IMMP2L: variants seen among roughly 807,000 people sequenced by gnomAD.
IMMP2L encodes inner mitochondrial membrane peptidase subunit 2.
Under a neutral mutation model 19.3 loss-of-function variants are expected in IMMP2L, and 18 were observed. The observed-to-expected ratio is 0.93, with a 90% CI of 0.64 to 1.38. The LOEUF (loss-of-function observed/expected upper bound fraction) is 1.38. Among genes scored for constraint, IMMP2L ranks in the 40% most tolerant of loss-of-function variants. The probability of loss-of-function intolerance (pLI) is 0.00; values close to 1 mark genes in which losing one functional copy is unlikely to be tolerated. For missense variants in IMMP2L, 233 were observed against 218.2 expected (o/e 1.07, Z -0.43); for synonymous variants, 76 against 73.0 (o/e 1.04, Z -0.21).
chr7:110,880,412 C>T (rs561707962), intron 5 of IMMP2L, among the ~76,000 whole-genome samples: 7 of 152,100 alleles, frequency 4.6e-5, no homozygotes, highest in South Asian at 4.2e-4. Context: ...GTCAAAAGAA[C>T]GTTATTTACG....
chr7:111,319,067 G>A (rs138763157), intron 3 of IMMP2L, among the ~76,000 whole-genome samples: 2 of 152,168 alleles, frequency 1.3e-5, no homozygotes, highest in East Asian at 1.9e-4. Context: ...ATCACCATGT[G>A]GCTTAATGTA....
chr7:110,761,107 G>T (rs950735843), intron 5 of IMMP2L, among the ~76,000 whole-genome samples: 2 of 152,102 alleles, frequency 1.3e-5, no homozygotes, highest in African/African-American at 4.8e-5. Flanking sequence ...CCACCTTTCA[G>T]CCAGTCAAAC....
chr7:111,185,369 T>C (rs962812340), intron 3 of IMMP2L, among the ~76,000 whole-genome samples: 3 of 152,190 alleles, frequency 2.0e-5, no homozygotes, highest in Non-Finnish European at 2.9e-5. Context: ...CCGTAACTCA[T>C]AGGCCTTTTC....
intron 3 of IMMP2L, among the ~76,000 whole-genome samples, chr7:111,075,618 T>C (rs1168702681): frequency 6.6e-6 from 1 of 152,170 alleles, no homozygotes; most frequent in African/African-American, 2.4e-5. Flanking sequence ...TGGCTTTCTT[T>C]TTGCTGGTTG....
chr7:110,984,766 A>T (rs749236281), intron 3 of IMMP2L, among the ~76,000 whole-genome samples: 4 of 152,088 alleles, frequency 2.6e-5, no homozygotes, highest in Admixed American at 6.6e-5. Context: ...TTCAAGTATG[A>T]TCGTGCATCT....
Position 111,180,389 on chromosome 7 carries a change from G to A in IMMP2L, c.240-216824C>T, listed in dbSNP as rs193160720. On this transcript the variant is annotated intron_variant, in intron 3 of 5. Coordinates refer to ENST00000405709, the MANE Select transcript of IMMP2L (RefSeq NM_032549.4). Reference sequence around the variant, plus strand: ...GGCCTGAGGAGAGGAAAAGAGATCCGGAACCTGCCAGTCAGTGGAGTAGTC... The same window carrying A: ...GGCCTGAGGAGAGGAAAAGAGATCCAGAACCTGCCAGTCAGTGGAGTAGTC... Among the ~76,000 whole-genome samples the A allele has an allele frequency of 6.6e-4, 101 of 152,040 alleles. No individual in the cohort carries two copies. The South Asian group carries it at 6.9e-3, about 10-fold the overall frequency.
At chr7:110,891,371 C>A (rs543087046) in intron 4 of IMMP2L, among the ~76,000 whole-genome samples, 1 of 152,178 alleles carries the variant, frequency 6.6e-6, no homozygotes, top group Non-Finnish European at 1.5e-5. Context: ...AACTAAGGTT[C>A]GAATTCACAC....
chr7:111,365,723 C>G (rs1046083048), intron 3 of IMMP2L, among the ~76,000 whole-genome samples: 7 of 152,048 alleles, frequency 4.6e-5, no homozygotes, highest in African/African-American at 1.7e-4. Flanking sequence ...TTTTATGAAA[C>G]TTGGTTTTTA....
chr7:110,963,409 T>C, intron 4 of IMMP2L, 91 bp downstream of exon 4: 1 of 889,674 alleles, frequency 1.1e-6, no homozygotes, highest in Non-Finnish European at 1.8e-6. Flanking sequence ...ACTTTGGCCC[T>C]CATGGACTTC....
chr7:110,789,207 T>C (rs971506287), intron 5 of IMMP2L, among the ~76,000 whole-genome samples: 14 of 151,790 alleles, frequency 9.2e-5, no homozygotes, highest in Non-Finnish European at 1.8e-4. Flanking sequence ...GCTTTAGATA[T>C]TGTCGAATAG....
At chr7:110,920,592 G>T (rs1814157716) in intron 4 of IMMP2L, among the ~76,000 whole-genome samples, 1 of 152,124 alleles carries the variant, frequency 6.6e-6, no homozygotes, top group Non-Finnish European at 1.5e-5. Context: ...TCCTAATGCT[G>T]AGAATTGATC....
chr7:111,437,480 A>G (rs2131746336), intron 3 of IMMP2L, among the ~76,000 whole-genome samples: 1 of 152,034 alleles, frequency 6.6e-6, no homozygotes, highest in African/African-American at 2.4e-5. Context: ...CACTGCTATC[A>G]CAGTTTTTAA....
chr7:111,356,051 T>C lies in IMMP2L; in HGVS notation c.239+131187A>G, dbSNP rs547996724. On this transcript the variant is annotated intron_variant, in intron 3 of 5. Transcript: ENST00000405709. Reference sequence around the variant, plus strand: ...TAGAAAATTAAACTAATTTTCTATTTTATTTAATTTAAACATTAAATTTAA... The same window carrying C: ...TAGAAAATTAAACTAATTTTCTATTCTATTTAATTTAAACATTAAATTTAA... 6.6e-5 allele frequency among the ~76,000 whole-genome samples: 10 copies of C among 152,184 alleles called. No individual in the cohort carries two copies. In the South Asian group the frequency reaches 2.1e-3, roughly 32 times the overall value.
chr7:111,303,534 G>A (rs1164689847), intron 3 of IMMP2L, among the ~76,000 whole-genome samples: 2 of 151,936 alleles, frequency 1.3e-5, no homozygotes, highest in Non-Finnish European at 2.9e-5. Flanking sequence ...GCAAAGTTAG[G>A]GCATCCTATA....
At chr7:110,917,008 G>C (rs144310306) in intron 4 of IMMP2L, among the ~76,000 whole-genome samples, 94 of 152,236 alleles carry the variant, frequency 6.2e-4, no homozygotes, top group Middle Eastern at 3.4e-3. Context: ...GCCTCTATAG[G>C]TGTAACTTAA....
intron 3 of IMMP2L, among the ~76,000 whole-genome samples, chr7:111,023,868 CTCA>C (rs1204616326): frequency 6.6e-6 from 1 of 152,086 alleles, no homozygotes; most frequent in Non-Finnish European, 1.5e-5. Context: ...GTCCATGACT[CTCA>C]TCAAATTTTC....
chr7:111,154,807 G>C (rs768594749), intron 3 of IMMP2L, among the ~76,000 whole-genome samples: 2 of 152,140 alleles, frequency 1.3e-5, no homozygotes, highest in African/African-American at 4.8e-5. Flanking sequence ...ACCCAAGCCG[G>C]AGTACAGTGG....
At chr7:111,505,828 G>A (rs1248935469) in intron 2 of IMMP2L, among the ~76,000 whole-genome samples, 1 of 152,082 alleles carries the variant, frequency 6.6e-6, no homozygotes, top group African/African-American at 2.4e-5. Flanking sequence ...TGTGGGGTGG[G>A]GGGAGCGGGG....
chr7:110,821,739 T>C (rs901869974), intron 5 of IMMP2L, among the ~76,000 whole-genome samples: 3 of 151,816 alleles, frequency 2.0e-5, no homozygotes, highest in South Asian at 2.1e-4. Flanking sequence ...GGTGAAACAC[T>C]GTCTCTACCA....
Sources: gnomAD v4.1 joint callset for allele counts (sites outside exome capture counted in the v4.1 genomes callset) on GRCh38, gnomAD v4.1.1 for gene constraint, MANE v1.5 for transcripts, NCBI Gene and HGNC (gene_info 2026-07-23, HGNC 2026-07-21) for gene names.